Variants in DNAH7 observed in about 807,000 individuals in gnomAD.
DNAH7 encodes dynein axonemal heavy chain 7.
DNAH7 carries 397 observed loss-of-function variants against 444.6 expected under a neutral mutation model. The observed-to-expected ratio is 0.89, with a 90% CI of 0.82 to 0.97. DNAH7 has a LOEUF of 0.97. Ranked by LOEUF, DNAH7 falls within the 50% of genes least tolerant of loss-of-function variation. DNAH7 has a pLI of 0.00. For missense variants in DNAH7, 4,902 were observed against 4,800.8 expected (o/e 1.02, Z -0.62); for synonymous variants, 1,636 against 1,624.4 (o/e 1.01, Z -0.17).
chr2:196,064,427 TTATC>T (rs1698310800), intron 1 of DNAH7, among the ~76,000 whole-genome samples: 1 of 151,986 alleles, frequency 6.6e-6, no homozygotes. Context: ...CCCAATTAAT[TTATC>T]TGTTTCCTGT....
Position 195,777,856 on chromosome 2 carries a change from T to C in DNAH7, c.11008A>G (p.Asn3670Asp), listed in dbSNP as rs1695133862. The part of the protein sequence containing the change: ...NKFFNPELVE[N>D]SDYKFDSSGI... ...CTTGAGTCGAACTTATAGTCTGAAT[T>C]TTCAACTAATTCGGGATTGAAGAAT... Residue 3670 changes from asparagine to aspartate, a missense_variant, in exon 59 of 65, where the codon AAT (asparagine) becomes GAT (aspartate). Transcript: ENST00000312428. 2.5e-6 allele frequency: 4 copies of C among 1,614,134 alleles called. No individual in the cohort carries two copies. In the East Asian group the frequency reaches 8.9e-5, roughly 36 times the overall value.
At chr2:195,907,241 ATTTT>A (rs148930748) in intron 25 of DNAH7, among the ~76,000 whole-genome samples, 1 of 148,560 alleles carries the variant, frequency 6.7e-6, no homozygotes, top group African/African-American at 2.5e-5. Flanking sequence ...TCCTTTCTGC[ATTTT>A]TTTTTTAGCA....
chr2:195,916,857 C>G (rs537352814), intron 24 of DNAH7, among the ~76,000 whole-genome samples: 5 of 151,688 alleles, frequency 3.3e-5, no homozygotes, highest in African/African-American at 1.2e-4. Context: ...TCCAGCACTT[C>G]GGGAGGTGGA....
chr2:195,756,124 C>T lies in DNAH7; in HGVS notation c.11586+9G>A, dbSNP rs375124624. 3.6e-5 allele frequency: 58 copies of T among 1,589,932 alleles called. No individual in the cohort carries two copies. The highest frequency in any genetic ancestry group is 4.6e-5 in the Non-Finnish European group (54 of 1,166,466). On this transcript the variant is annotated intron_variant, in intron 62 of 64. Coordinates refer to ENST00000312428, the MANE Select transcript of DNAH7 (RefSeq NM_018897.3). ...ACTTAACAATATACGATCATTTAGA[C>T]GAACTTACCTGCAAGAATTTTAGTC...
At chr2:196,018,862 T>C (rs921032380) in intron 9 of DNAH7, among the ~76,000 whole-genome samples, 6 of 152,124 alleles carry the variant, frequency 3.9e-5, no homozygotes, top group African/African-American at 9.6e-5. Flanking sequence ...CTTGAGGGGA[T>C]GGACACCAAA....
intron 63 of DNAH7, 46 bp from the exon 64 acceptor site, chr2:195,740,915 T>C: frequency 8.6e-7 from 1 of 1,162,092 alleles, no homozygotes; most frequent in Non-Finnish European, 1.2e-6. Context: ...AAATATGCAT[T>C]TTGATTGAGT....
At chr2:195,740,645 ACATATACACACACACATATG>A (rs1692967396) in intron 64 of DNAH7, 101 bp downstream of exon 64, 2 of 34,644 alleles carry the variant, frequency 5.8e-5, no homozygotes, top group Admixed American at 2.5e-4. Context: ...ATATATATAT[ACATATACACACACACATATG>A]TATACACATA....
chr2:195,864,043 A>T (rs1574601493), intron 41 of DNAH7, 106 bp downstream of exon 41: 1 of 1,071,956 alleles, frequency 9.3e-7, no homozygotes, highest in East Asian at 2.6e-5. Flanking sequence ...ATTCTGCTAA[A>T]CAATATTTTG....
intron 5 of DNAH7, among the ~76,000 whole-genome samples, chr2:196,045,742 AC>A (rs1261603286): frequency 6.6e-6 from 1 of 152,146 alleles, no homozygotes; most frequent in Non-Finnish European, 1.5e-5. Flanking sequence ...TGTTAGGGTA[AC>A]CATTAAAAGA....
intron 5 of DNAH7, among the ~76,000 whole-genome samples, chr2:196,036,379 AG>A: frequency 6.6e-6 from 1 of 152,082 alleles, no homozygotes; most frequent in East Asian, 1.9e-4. Context: ...ATCCACCCAG[AG>A]GGCTACAATA....
intron 46 of DNAH7, among the ~76,000 whole-genome samples, chr2:195,845,367 A>G (rs1698922047): frequency 6.6e-6 from 1 of 152,208 alleles, no homozygotes; most frequent in South Asian, 2.1e-4. Context: ...AACATATTCA[A>G]TGTTGAGATA....
intron 15 of DNAH7, among the ~76,000 whole-genome samples, chr2:195,980,205 G>C (rs1384036558): frequency 6.6e-6 from 1 of 152,110 alleles, no homozygotes; most frequent in African/African-American, 2.4e-5. Context: ...GAATTACAGA[G>C]GCAGTTATCC....
chr2:195,887,529 T>C (rs903683714), intron 33 of DNAH7, among the ~76,000 whole-genome samples: 1 of 152,208 alleles, frequency 6.6e-6, no homozygotes, highest in African/African-American at 2.4e-5. Flanking sequence ...GTAATCTACA[T>C]TAACATGGTT....
At chr2:195,954,730 T>G (rs962042009) in intron 19 of DNAH7, among the ~76,000 whole-genome samples, 1 of 152,238 alleles carries the variant, frequency 6.6e-6, no homozygotes, top group African/African-American at 2.4e-5. Context: ...CTAACTGGCA[T>G]GAGATGTTAT....
intron 33 of DNAH7, among the ~76,000 whole-genome samples, 165 bp from the exon 34 acceptor site, chr2:195,886,437 T>C (rs1701716359): frequency 1.3e-5 from 2 of 152,188 alleles, no homozygotes; most frequent in South Asian, 4.1e-4. Context: ...TTGGGAGAAC[T>C]GGATGTTACA....
chr2:195,791,250 G>A (rs1199240611), intron 57 of DNAH7, among the ~76,000 whole-genome samples: 6 of 151,826 alleles, frequency 4.0e-5, no homozygotes, highest in Admixed American at 6.6e-5. Context: ...CGTGGATCAC[G>A]AGGTCAGGAG....
At chr2:195,983,675 A>G (rs1336585046) in intron 15 of DNAH7, among the ~76,000 whole-genome samples, 2 of 152,188 alleles carry the variant, frequency 1.3e-5, no homozygotes, top group Non-Finnish European at 2.9e-5. Context: ...AAACTATATC[A>G]ACTTCAAACA....
intron 19 of DNAH7, among the ~76,000 whole-genome samples, chr2:195,942,005 T>A (rs980663767): frequency 1.3e-5 from 2 of 152,144 alleles, no homozygotes; most frequent in African/African-American, 4.8e-5. Flanking sequence ...GTTAGTGACC[T>A]TTCTCAGTGC....
At chr2:195,953,396 T>A (rs1690405874) in intron 19 of DNAH7, among the ~76,000 whole-genome samples, 1 of 152,168 alleles carries the variant, frequency 6.6e-6, no homozygotes, top group Non-Finnish European at 1.5e-5. Flanking sequence ...TATTTCCCAG[T>A]CAGGAGGCAC....
Sources: allele counts gnomAD v4.1 joint callset (sites outside exome capture counted in the v4.1 genomes callset), GRCh38; gene constraint gnomAD v4.1.1; transcripts MANE v1.5; gene names NCBI Gene and HGNC (gene_info 2026-07-23, HGNC 2026-07-21).